The following GRID1 variants were observed in gnomAD, a reference collection of about 807,000 sequenced individuals.
GRID1 encodes the protein glutamate receptor ionotropic, delta-1.
Under a neutral mutation model 98.0 loss-of-function variants are expected in GRID1, and 28 were observed. The ratio of observed to expected loss-of-function variants is 0.29; its 90% CI spans 0.21 to 0.39. GRID1 has a LOEUF of 0.39. GRID1 is among the 10% of genes least tolerant of loss of function. The pLI, the probability that GRID1 is intolerant of heterozygous loss-of-function variation, is 1.00. For synonymous variants in GRID1, 553 were observed against 538.5 expected (o/e 1.03, Z -0.37); for missense variants, 1,111 against 1,340.5 (o/e 0.83, Z 2.67).
At position 85,619,938 on chromosome 10, in the gene GRID1, G is replaced by A. The variant is rs1228854454; in HGVS notation, c.2289C>T (p.Asn763=). 6 of 1,614,136 alleles carry A rather than the reference G, an allele frequency of 3.7e-6. No individual in the cohort carries two copies. The highest frequency in any genetic ancestry group is 1.7e-6 in the Non-Finnish European group (2 of 1,179,956). Reference sequence around the variant, plus strand: ...TCCCGTAACCCTTGCTGCTGATGCTGTTGCCGATGACAGTCACCGAGCAGT... The same window carrying A: ...TCCCGTAACCCTTGCTGCTGATGCTATTGCCGATGACAGTCACCGAGCAGT... ...DDDCSVTVIG[N]SISSKGYGIA... The change falls in exon 14 of 16, where the codon AAC becomes AAT. Residue 763 remains asparagine (N), a synonymous_variant. Coordinates refer to ENST00000327946, the MANE Select transcript of GRID1 (RefSeq NM_017551.3).
chr10:85,621,360 T>A (rs976216318), intron 13 of GRID1, among the ~76,000 whole-genome samples: 2 of 152,174 alleles, frequency 1.3e-5, no homozygotes, highest in Non-Finnish European at 2.9e-5. Context: ...GAGGACATTG[T>A]CCCTGGCTCC....
chr10:85,674,295 T>G (rs1841119961), intron 12 of GRID1, among the ~76,000 whole-genome samples: 1 of 152,134 alleles, frequency 6.6e-6, no homozygotes, highest in Non-Finnish European at 1.5e-5. Flanking sequence ...CTCCATTTGG[T>G]TCTAGATGTC....
intron 2 of GRID1, among the ~76,000 whole-genome samples, chr10:86,358,812 A>G (rs1267968448): frequency 6.6e-6 from 1 of 151,598 alleles, no homozygotes; most frequent in Non-Finnish European, 1.5e-5. Flanking sequence ...AGATGGGCCC[A>G]ATATAACCAC....
At chr10:86,181,328 C>A (rs909252707) in intron 3 of GRID1, among the ~76,000 whole-genome samples, 1 of 151,934 alleles carries the variant, frequency 6.6e-6, no homozygotes, top group African/African-American at 2.4e-5. Context: ...CAGGACCTGG[C>A]TCTCCCCTGG....
chr10:85,768,455 A>C (rs531257051), intron 8 of GRID1, among the ~76,000 whole-genome samples: 2 of 152,318 alleles, frequency 1.3e-5, no homozygotes, highest in South Asian at 4.1e-4. Context: ...CCAAAAGACA[A>C]ACAATATTCT....
chr10:85,829,376 G>A (rs898018981), intron 8 of GRID1, among the ~76,000 whole-genome samples: 4 of 151,864 alleles, frequency 2.6e-5, no homozygotes, highest in African/African-American at 4.8e-5. Context: ...GAAGCATTCC[G>A]CTGAGAACCA....
intron 2 of GRID1, among the ~76,000 whole-genome samples, chr10:86,217,884 A>C (rs1480255545): frequency 6.6e-6 from 1 of 151,834 alleles, no homozygotes; most frequent in Non-Finnish European, 1.5e-5. Flanking sequence ...GACAGGCCAC[A>C]CCACAGAGCC....
At chr10:85,763,218 C>T (rs1294047455) in intron 8 of GRID1, among the ~76,000 whole-genome samples, 3 of 152,146 alleles carry the variant, frequency 2.0e-5, no homozygotes, top group Middle Eastern at 3.2e-3. Flanking sequence ...CCTACTTGTG[C>T]TCTCTGTATT....
At chr10:85,745,952 T>C (rs1487235873) in intron 8 of GRID1, among the ~76,000 whole-genome samples, 3 of 152,126 alleles carry the variant, frequency 2.0e-5, no homozygotes, top group Admixed American at 6.6e-5. Context: ...CAAGTTTTAA[T>C]TGAGGAGTTA....
At chr10:86,285,131 C>T (rs1332398310) in intron 2 of GRID1, among the ~76,000 whole-genome samples, 3 of 151,414 alleles carry the variant, frequency 2.0e-5, no homozygotes, top group Non-Finnish European at 4.4e-5. Context: ...CCCTCCTCAG[C>T]CCAGGGAAAG....
At position 85,869,040 on chromosome 10, in the gene GRID1, G is replaced by T. The variant is rs1186548968; in HGVS notation, c.921C>A (p.Asp307Glu). Residue 307 changes from aspartate to glutamate, a missense_variant, in exon 6 of 16, where the codon GAC (aspartate) becomes GAA (glutamate). Asp to Glu is a conservative substitution (Grantham distance 45). Coordinates refer to ENST00000327946, the MANE Select transcript of GRID1 (RefSeq NM_017551.3). Reference sequence around the variant, plus strand: ...GCATCTGGAGGTAGCCTTCCTGGGGGTCGCAGAGCAGGGAGGAGATGCGGT... The same window carrying T: ...GCATCTGGAGGTAGCCTTCCTGGGGTTCGCAGAGCAGGGAGGAGATGCGGT... ...NNHRISSLLC[D>E]PQEGYLQMLQ... is the part of the protein sequence containing the mutation. 1 of 1,613,970 alleles carries T rather than the reference G, an allele frequency of 6.2e-7. No homozygotes were observed. Among genetic ancestry groups the T allele is most frequent in the East Asian group, 2.2e-5 (1 of 44,858 alleles).
At chr10:85,979,376 G>T (rs1477224667) in intron 4 of GRID1, among the ~76,000 whole-genome samples, 2 of 152,176 alleles carry the variant, frequency 1.3e-5, no homozygotes, top group Non-Finnish European at 2.9e-5. Flanking sequence ...AAATATCACA[G>T]ACCAGGTAGC....
chr10:86,080,064 T>C (rs1056541991), intron 4 of GRID1, among the ~76,000 whole-genome samples: 4 of 152,082 alleles, frequency 2.6e-5, no homozygotes, highest in African/African-American at 7.2e-5. Flanking sequence ...CCTGGCACGG[T>C]GGCTCACGCC....
chr10:86,167,391 T>G (rs41505346), intron 3 of GRID1, among the ~76,000 whole-genome samples: 1 of 152,020 alleles, frequency 6.6e-6, no homozygotes, highest in African/African-American at 2.4e-5. Flanking sequence ...TCCCAGAATA[T>G]GTGCTTGCCC....
chr10:86,230,925 G>A (rs943937797), intron 2 of GRID1, among the ~76,000 whole-genome samples: 4 of 152,148 alleles, frequency 2.6e-5, no homozygotes, highest in African/African-American at 9.7e-5. Flanking sequence ...CTCTGTGCCC[G>A]GCGGTGTGGG....
At chr10:86,183,227 T>C (rs1025832590) in intron 3 of GRID1, among the ~76,000 whole-genome samples, 3 of 152,212 alleles carry the variant, frequency 2.0e-5, no homozygotes, top group African/African-American at 7.2e-5. Flanking sequence ...ATACTCTTTT[T>C]GTCTTTTTTC....
intron 4 of GRID1, among the ~76,000 whole-genome samples, chr10:86,015,250 G>A (rs574243311): frequency 7.2e-5 from 11 of 152,288 alleles, no homozygotes; most frequent in Non-Finnish European, 1.2e-4. Flanking sequence ...TTGAAGAAAC[G>A]CACACGGGTG....
chr10:85,870,890 C>G, intron 5 of GRID1, among the ~76,000 whole-genome samples: 1 of 152,114 alleles, frequency 6.6e-6, no homozygotes, highest in South Asian at 2.1e-4. Flanking sequence ...AGACAAGGAG[C>G]TCTTGAAAGG....
At chr10:85,708,925 A>G (rs946898127) in intron 12 of GRID1, 1 of 180,286 alleles carries the variant, frequency 5.5e-6, no homozygotes, top group Non-Finnish European at 1.2e-5. Context: ...GGCTCAGCAG[A>G]TTATCAAAGA....
Sources: allele counts gnomAD v4.1 joint callset (sites outside exome capture counted in the v4.1 genomes callset), GRCh38; gene constraint gnomAD v4.1.1; transcripts MANE v1.5; gene names NCBI Gene and HGNC (gene_info 2026-07-23, HGNC 2026-07-21).